Variants in CASS4 observed in about 807,000 individuals in gnomAD.
The protein encoded by CASS4 is cas scaffolding protein family member 4.
A neutral mutation model predicts 54.2 loss-of-function variants in CASS4; 22 were observed. The observed-to-expected ratio is 0.41, with a 90% CI of 0.29 to 0.58. The LOEUF is 0.58. Ranked by LOEUF, CASS4 falls within the 20% of genes least tolerant of loss-of-function variation. CASS4 has a pLI of 0.36. For synonymous variants in CASS4, 409 were observed against 391.5 expected (o/e 1.04, Z -0.53); for missense variants, 854 against 986.7 (o/e 0.87, Z 1.80).
intron 1 of CASS4, among the ~76,000 whole-genome samples, chr20:56,436,414 ATATC>A (rs1980170352): frequency 6.7e-6 from 1 of 149,756 alleles, no homozygotes. Context: ...GTACATATAT[ATATC>A]AACCCGTCAT....
At chr20:56,443,836 C>T (rs1980580338) in intron 2 of CASS4, among the ~76,000 whole-genome samples, 1 of 152,160 alleles carries the variant, frequency 6.6e-6, no homozygotes, top group Non-Finnish European at 1.5e-5. Context: ...ACATGAGGGC[C>T]TGGGAATCAA....
At chr20:56,417,849 C>A (rs1043442568) in intron 1 of CASS4, among the ~76,000 whole-genome samples, 1 of 152,236 alleles carries the variant, frequency 6.6e-6, no homozygotes, top group Admixed American at 6.5e-5. Flanking sequence ...TGACAATTGT[C>A]CCCCTCCTTG....
chr20:56,439,876 C>T (rs1012235208), intron 2 of CASS4, among the ~76,000 whole-genome samples: 2 of 152,202 alleles, frequency 1.3e-5, no homozygotes, highest in Non-Finnish European at 2.9e-5. Context: ...TTTCAGCTCC[C>T]ATGACACATC....
Position 56,452,859 on chromosome 20 carries a change from G to T in CASS4, c.1683G>T (p.Arg561Ser). The T allele has an allele frequency of 6.2e-7, 1 of 1,614,076 alleles. No homozygotes were observed. The change falls in exon 5 of 6, where the codon AGG (arginine) becomes AGT (serine). Residue 561 changes from arginine (R) to serine (S), a missense_variant. By Grantham distance (110) the Arg-to-Ser change is moderately radical. Coordinates refer to ENST00000679887, the MANE Select transcript of CASS4 (RefSeq NM_020356.4). ...AGAACAGCCCAGATGACCTTGAGAG[G>T]TTTGTCATGGTGGCACGGATGCTTC... ...SVQNSPDDLE[R>S]FVMVARMLPE... is the part of the protein sequence containing the mutation.
rs186179221 is a variant in CASS4 at position 56,430,365 on chromosome 20, T to A, written c.37-6799T>A. On this transcript the variant is annotated intron_variant, in intron 1 of 5. Coordinates refer to ENST00000679887, the MANE Select transcript of CASS4 (RefSeq NM_020356.4). This position sits in a 1 kb window ranked among gnomAD's most constrained non-coding sequence, Gnocchi z 4.2. ...TGAAGATGGGCATTTGGGGGAAATG[T>A]CCTTTTTGGAAATCGTTTAAGAACA... is the stretch of plus-strand genomic sequence containing the variant. Among the ~76,000 whole-genome samples, 1 of 152,356 alleles carries A rather than the reference T, an allele frequency of 6.6e-6. No homozygotes were observed. Among genetic ancestry groups the A allele is most frequent in the African/African-American group, 2.4e-5 (1 of 41,578 alleles).
At position 56,459,904 on chromosome 20, in the gene CASS4, G is replaced by A. The variant is rs1981522293; in HGVS notation, c.*1157G>A. 1 of 152,122 alleles carries A rather than the reference G, an allele frequency of 6.6e-6. No homozygotes were observed. The highest frequency in any genetic ancestry group is 1.5e-5 in the Non-Finnish European group (1 of 68,044). The allele number at this position is 152,122 out of a possible 1,614,324, so 9.4% of individuals were successfully genotyped here. ...AACTTATGATCTAGTAGGGGAGTCA[G>A]GCAGTAAAGCGGTGAAGAAATACAT... On this transcript the variant is annotated 3_prime_UTR_variant, in exon 6 of 6. Coordinates refer to ENST00000679887, the MANE Select transcript of CASS4 (RefSeq NM_020356.4).
chr20:56,418,242 C>T (rs1298846682), intron 1 of CASS4, among the ~76,000 whole-genome samples: 5 of 152,172 alleles, frequency 3.3e-5, no homozygotes, highest in Admixed American at 3.3e-4. Context: ...ATGGGAAAAG[C>T]TTTCCAGGAA....
At chr20:56,418,311 C>T (rs950118088) in intron 1 of CASS4, among the ~76,000 whole-genome samples, 1 of 152,098 alleles carries the variant, frequency 6.6e-6, no homozygotes, top group African/African-American at 2.4e-5. Context: ...AGTACAGGGC[C>T]CCTGTAAAGA....
chr20:56,444,479 T>C (rs1980612657), intron 2 of CASS4, among the ~76,000 whole-genome samples: 1 of 152,154 alleles, frequency 6.6e-6, no homozygotes, highest in Non-Finnish European at 1.5e-5. Flanking sequence ...TCAGACCTCA[T>C]TTCCCTCTTA....
At position 56,414,494 on chromosome 20, in the gene CASS4, G is replaced by T. The variant is rs1600739981; in HGVS notation, c.36+2000G>T. Among the ~76,000 whole-genome samples, 1 of 151,916 alleles carries T rather than the reference G, an allele frequency of 6.6e-6. No homozygotes were observed. Among genetic ancestry groups the T allele is most frequent in the East Asian group, 1.9e-4 (1 of 5,192 alleles). ...GGGTATCACTCTGTTGTCCAAGCTG[G>T]ACTCAAATTCCTGAACTCAGGTGAT... On this transcript the variant is annotated intron_variant, in intron 1 of 5. Transcript: ENST00000679887. This position sits in a 1 kb window ranked among gnomAD's most constrained non-coding sequence, Gnocchi z 4.1.
At chr20:56,442,972 T>C (rs1980527380) in intron 2 of CASS4, among the ~76,000 whole-genome samples, 1 of 151,736 alleles carries the variant, frequency 6.6e-6, no homozygotes, top group Non-Finnish European at 1.5e-5. Context: ...GGTGCCCTTA[T>C]AGGCAAAGGG....
At position 56,412,512 on chromosome 20, in the gene CASS4, G is replaced by A; in HGVS notation, c.36+18G>A. On this transcript the variant is annotated intron_variant, in intron 1 of 5. Transcript: ENST00000679887. The surrounding 1 kb of genome is among the most constrained non-coding windows in gnomAD (Gnocchi z 4.2). Reference sequence around the variant, plus strand: ...CGCCCAAGGTGAGTGATGTGGGGCTGTTTGAATGGGCTCTGGCGGGGAGCA... The same window carrying A: ...CGCCCAAGGTGAGTGATGTGGGGCTATTTGAATGGGCTCTGGCGGGGAGCA... 6.2e-7 allele frequency: 1 copy of A among 1,610,496 alleles called. No individual in the cohort carries two copies. The highest frequency in any genetic ancestry group is 1.1e-5 in the South Asian group (1 of 90,252).
At chr20:56,428,582 G>A (rs1250262473) in intron 1 of CASS4, among the ~76,000 whole-genome samples, 1 of 152,196 alleles carries the variant, frequency 6.6e-6, no homozygotes, top group Non-Finnish European at 1.5e-5. Flanking sequence ...ACACCCAAAT[G>A]TCTTACGCCT....
At chr20:56,421,905 G>A (rs1420460319) in intron 1 of CASS4, among the ~76,000 whole-genome samples, 1 of 152,192 alleles carries the variant, frequency 6.6e-6, no homozygotes, top group Non-Finnish European at 1.5e-5. Context: ...TATTTTCTCT[G>A]TAATCCCTCA....
At chr20:56,442,504 T>C (rs6024879) in intron 2 of CASS4, among the ~76,000 whole-genome samples, 46,287 of 151,452 alleles carry the variant, frequency 0.31, 8,395 homozygotes, top group East Asian at 0.58. Context: ...GATGCTACGT[T>C]ACAGCTCTGT....
intron 1 of CASS4, among the ~76,000 whole-genome samples, chr20:56,427,167 G>A (rs914451929): frequency 7.8e-6 from 1 of 127,670 alleles, no homozygotes; most frequent in East Asian, 2.2e-4. Context: ...GCAAGACCCT[G>A]TCTCTTAAAA....
intron 1 of CASS4, among the ~76,000 whole-genome samples, chr20:56,413,651 T>A (rs117122382): frequency 0.033 from 3,886 of 119,096 alleles, 93 homozygotes; most frequent in Middle Eastern, 0.1. Context: ...CCGGCCTGGG[T>A]GACAGAGCAA....
At position 56,458,462 on chromosome 20, in the gene CASS4, C is replaced by T. The variant is rs202058938; in HGVS notation, c.2076C>T (p.Gly692=). The change falls in exon 6 of 6, where the codon GGC becomes GGT. Residue 692 remains glycine, a synonymous_variant. Coordinates refer to ENST00000679887, the MANE Select transcript of CASS4 (RefSeq NM_020356.4). ...TCAAAGCCATCAGCGCATTTCACGGCAGCCTCAGCAGCAGCCAGCCCGCGG... is the reference window on the plus strand; with the variant it reads ...TCAAAGCCATCAGCGCATTTCACGGTAGCCTCAGCAGCAGCCAGCCCGCGG... The part of the protein sequence containing the change: ...ALFKAISAFH[G]SLSSSQPAEI... The T allele has an allele frequency of 6.2e-7, 1 of 1,614,204 alleles. No individual in the cohort carries two copies. The highest frequency in any genetic ancestry group is 1.1e-5 in the South Asian group (1 of 91,090).
intron 3 of CASS4, among the ~76,000 whole-genome samples, chr20:56,449,278 C>CA (rs1980877496): frequency 6.6e-6 from 1 of 152,166 alleles, no homozygotes; most frequent in South Asian, 2.1e-4. Context: ...ACTATGCAGC[C>CA]ATAAAAAACG....
Sources: gnomAD v4.1 joint callset for allele counts (sites outside exome capture counted in the v4.1 genomes callset) on GRCh38, gnomAD v4.1.1 for gene constraint, Gnocchi (gnomAD v3.1) non-coding constraint, MANE v1.5 for transcripts, NCBI Gene and HGNC (gene_info 2026-07-23, HGNC 2026-07-21) for gene names.